ZEB1: variants seen among roughly 807,000 people sequenced by gnomAD.
ZEB1 encodes the protein zinc finger E-box-binding homeobox 1.
A neutral mutation model predicts 84.9 loss-of-function variants in ZEB1; 21 were observed. That is an observed-to-expected ratio of 0.25 (90% CI 0.18 to 0.36). The LOEUF (loss-of-function observed/expected upper bound fraction) is 0.36, where lower values mean the gene tolerates loss of function less well. ZEB1 is among the 10% of genes least tolerant of loss of function. The pLI is 1.00. For missense variants in ZEB1, 1,104 were observed against 1,330.2 expected, an observed-to-expected ratio of 0.83 and a Z score of 2.65; for synonymous variants, 420 against 471.1, an observed-to-expected ratio of 0.89 and a Z score of 1.41.
intron 1 of ZEB1, among the ~76,000 whole-genome samples, chr10:31,396,552 C>G (rs1281645439): frequency 1.3e-5 from 2 of 152,094 alleles, no homozygotes; most frequent in African/African-American, 4.8e-5. Context: ...GAAAAAAATA[C>G]AGCATATATT....
intron 1 of ZEB1, among the ~76,000 whole-genome samples, chr10:31,364,776 C>G (rs1003255825): frequency 6.6e-6 from 1 of 152,250 alleles, no homozygotes. Flanking sequence ...GATTCCACAG[C>G]TGGCGCTCTG....
At chr10:31,460,958 C>A in intron 1 of ZEB1, 79 bp from the exon 2 acceptor site, 2 of 1,155,630 alleles carry the variant, frequency 1.7e-6, no homozygotes, top group East Asian at 2.5e-5. Context: ...TTTTAAGCAT[C>A]TTTTTTATTT....
chr10:31,322,524 A>G (rs556974325), intron 1 of ZEB1, among the ~76,000 whole-genome samples: 1 of 152,354 alleles, frequency 6.6e-6, no homozygotes, highest in South Asian at 2.1e-4. Context: ...GGATATTAAA[A>G]GGAGTATCAG....
chr10:31,321,766 A>C, intron 1 of ZEB1: 1 of 575,076 alleles, frequency 1.7e-6, no homozygotes, highest in East Asian at 2.9e-5. Flanking sequence ...AGATGACTTA[A>C]GGGGGGAAAA....
At chr10:31,390,045 T>C (rs1177271708) in intron 1 of ZEB1, among the ~76,000 whole-genome samples, 2 of 152,160 alleles carry the variant, frequency 1.3e-5, no homozygotes, top group Non-Finnish European at 2.9e-5. Flanking sequence ...GTTTAGAGTT[T>C]CCAAATTTAG....
intron 1 of ZEB1, among the ~76,000 whole-genome samples, chr10:31,364,680 C>T (rs576851903): frequency 6.6e-6 from 1 of 152,328 alleles, no homozygotes; most frequent in East Asian, 1.9e-4. Context: ...CAGGCAGGGT[C>T]TCCACTTTTT....
chr10:31,443,561 C>G (rs1433131598), intron 1 of ZEB1, among the ~76,000 whole-genome samples: 1 of 112,714 alleles, frequency 8.9e-6, no homozygotes, highest in Non-Finnish European at 1.8e-5. Flanking sequence ...ATCCCTCCCC[C>G]CTCCCCCCAC....
intron 1 of ZEB1, among the ~76,000 whole-genome samples, chr10:31,441,787 A>G (rs112709006): frequency 0.25 from 37,718 of 152,042 alleles, 10,321 homozygotes; most frequent in African/African-American, 0.68. Context: ...TATTTATGCA[A>G]CCAAAAGACA....
intron 3 of ZEB1, among the ~76,000 whole-genome samples, chr10:31,498,515 T>C (rs565415473): frequency 6.6e-6 from 1 of 152,198 alleles, no homozygotes; most frequent in Admixed American, 6.5e-5. Context: ...CCAGGTACCC[T>C]ACTAATAAGT....
At chr10:31,340,386 T>A (rs562178949) in intron 1 of ZEB1, among the ~76,000 whole-genome samples, 1 of 152,336 alleles carries the variant, frequency 6.6e-6, no homozygotes, top group Non-Finnish European at 1.5e-5. Flanking sequence ...AATATAGAAA[T>A]CTGTTTTTTG....
At chr10:31,505,458 A>T (rs1443561377) in intron 4 of ZEB1, among the ~76,000 whole-genome samples, 1 of 151,912 alleles carries the variant, frequency 6.6e-6, no homozygotes, top group African/African-American at 2.4e-5. Flanking sequence ...CTCATTACTC[A>T]TTATTGGTCT....
At chr10:31,394,734 C>T (rs772886539) in intron 1 of ZEB1, among the ~76,000 whole-genome samples, 3 of 152,156 alleles carry the variant, frequency 2.0e-5, no homozygotes, top group Non-Finnish European at 4.4e-5. Context: ...TATAATGTTC[C>T]GTCATATGCA....
Position 31,321,020 on chromosome 10 carries a change from G to A in ZEB1, c.58+1728G>A, listed in dbSNP as rs546729935. 3.5e-3 allele frequency: 1,579 copies of A among 447,942 alleles called. 9 individuals are homozygous for A. The highest frequency in any genetic ancestry group is 0.025 in the South Asian group (271 of 10,928). 27.7% of individuals were successfully genotyped at this position (447,942 alleles called of 1,614,324 possible). A position where few individuals can be genotyped will look rare whatever the true frequency, so the allele number is the denominator to read the frequency against. On this transcript the variant is annotated intron_variant, in intron 1 of 8. Coordinates refer to ENST00000424869, the MANE Select transcript of ZEB1 (RefSeq NM_001174096.2). ...TTTTTAAAACGACTTTTAAGAGAGG[G>A]GCAATAAATGCGTCTATAATGGGAC...
chr10:31,475,909 C>G (rs2064091370), intron 2 of ZEB1, among the ~76,000 whole-genome samples: 1 of 151,992 alleles, frequency 6.6e-6, no homozygotes, highest in African/African-American at 2.4e-5. Context: ...GCTAACAAAA[C>G]TATGATGGGA....
chr10:31,489,580 AT>A (rs2066223426), intron 2 of ZEB1, among the ~76,000 whole-genome samples: 1 of 150,996 alleles, frequency 6.6e-6, no homozygotes, highest in Non-Finnish European at 1.5e-5. Context: ...GTTTTGGATC[AT>A]TTGAATATTT....
At chr10:31,342,552 G>A (rs1157658888) in intron 1 of ZEB1, among the ~76,000 whole-genome samples, 1 of 152,062 alleles carries the variant, frequency 6.6e-6, no homozygotes, top group Non-Finnish European at 1.5e-5. Context: ...TGTAGGCGTC[G>A]ATGTAGATGT....
chr10:31,340,241 C>T (rs1440180622), intron 1 of ZEB1, among the ~76,000 whole-genome samples: 1 of 152,022 alleles, frequency 6.6e-6, no homozygotes, highest in Non-Finnish European at 1.5e-5. Context: ...TTCTCCCTTT[C>T]CATACCAAGC....
At chr10:31,448,591 G>A (rs993190828) in intron 1 of ZEB1, among the ~76,000 whole-genome samples, 10 of 151,218 alleles carry the variant, frequency 6.6e-5, no homozygotes, top group East Asian at 1.9e-4. Context: ...ATGGGTTTTC[G>A]GTGTGGATGT....
intron 4 of ZEB1, among the ~76,000 whole-genome samples, chr10:31,509,652 T>G (rs2069613508): frequency 6.6e-6 from 1 of 152,208 alleles, no homozygotes; most frequent in Non-Finnish European, 1.5e-5. Context: ...TTGATTTATA[T>G]GGACTTGAAT....
Sources: gnomAD v4.1 joint callset for allele counts (sites outside exome capture counted in the v4.1 genomes callset) on GRCh38, gnomAD v4.1.1 for gene constraint, MANE v1.5 for transcripts, NCBI Gene and HGNC (gene_info 2026-07-23, HGNC 2026-07-21) for gene names.